The following DLG1 variants were observed in gnomAD, a reference collection of about 807,000 sequenced individuals.
The protein encoded by DLG1 is disks large homolog 1.
DLG1 carries 42 observed loss-of-function variants against 123.4 expected under a neutral mutation model. That is an observed-to-expected ratio of 0.34 (90% CI 0.27 to 0.44). The LOEUF (loss-of-function observed/expected upper bound fraction) is 0.44, where lower values mean the gene tolerates loss of function less well. Ranked by LOEUF, DLG1 falls within the 20% of genes least tolerant of loss-of-function variation. The probability of loss-of-function intolerance (pLI) is 1.00; values close to 1 mark genes in which losing one functional copy is unlikely to be tolerated. For missense variants in DLG1, 942 were observed against 1,082.6 expected (o/e 0.87, Z 1.82); for synonymous variants, 317 against 356.2 (o/e 0.89, Z 1.24).
At chr3:197,298,679 C>T (rs1305919301), upstream of DLG1, 4 of 156,716 alleles carry the variant, frequency 2.6e-5, no homozygotes, top group African/African-American at 7.6e-5. Flanking sequence ...GCGGGGAGGG[C>T]GGGGCCTGGG....
At chr3:197,091,611 T>C (rs192952956) in intron 14 of DLG1, among the ~76,000 whole-genome samples, 1 of 152,166 alleles carries the variant, frequency 6.6e-6, no homozygotes, top group Non-Finnish European at 1.5e-5. Flanking sequence ...GAAGTAATAT[T>C]TGTGAATATT....
chr3:197,056,355 T>C (rs79905847), intron 23 of DLG1, among the ~76,000 whole-genome samples: 1 of 152,226 alleles, frequency 6.6e-6, no homozygotes, highest in Non-Finnish European at 1.5e-5. Flanking sequence ...AAAAATTGTT[T>C]GATTCAATTT....
At chr3:197,238,366 TA>T (rs1747112759) in intron 4 of DLG1, among the ~76,000 whole-genome samples, 1 of 152,002 alleles carries the variant, frequency 6.6e-6, no homozygotes, top group South Asian at 2.1e-4. Flanking sequence ...AGGCGTCATA[TA>T]AAAAATTAAT....
intron 14 of DLG1, among the ~76,000 whole-genome samples, chr3:197,092,202 A>G (rs1758117895): frequency 1.3e-5 from 2 of 152,222 alleles, no homozygotes; most frequent in African/African-American, 2.4e-5. Flanking sequence ...TCATAAAAAT[A>G]TATCATGAGT....
chr3:197,226,983 T>C (rs1740300771), intron 4 of DLG1, among the ~76,000 whole-genome samples: 2 of 152,340 alleles, frequency 1.3e-5, no homozygotes, highest in South Asian at 2.1e-4. Context: ...TTACATCTTA[T>C]GCAGTACCTT....
At chr3:197,221,726 T>C (rs1737179149) in intron 4 of DLG1, among the ~76,000 whole-genome samples, 1 of 152,214 alleles carries the variant, frequency 6.6e-6, no homozygotes, top group Admixed American at 6.5e-5. Context: ...AAATACTGCC[T>C]GTATGCATTA....
intron 24 of DLG1, 80 bp from the exon 25 acceptor site, chr3:197,044,809 G>C (rs1721775870): frequency 1.2e-6 from 1 of 823,822 alleles, no homozygotes; most frequent in African/African-American, 1.8e-5. Context: ...AATAGTAGAA[G>C]CTAGTATCTT....
At position 197,069,261 on chromosome 3, in the gene DLG1, C is replaced by A; in HGVS notation, c.2006-1G>T. Reference sequence around the variant, plus strand: ...TCGCTGGCATTAGAAGTTACATGCTCTGAAATTGCAGGACAATGAAAAAAA... The same window carrying A: ...TCGCTGGCATTAGAAGTTACATGCTATGAAATTGCAGGACAATGAAAAAAA... On this transcript the variant is annotated splice_acceptor_variant, in intron 18 of 24. Transcript: ENST00000667157. LOFTEE classifies it high-confidence loss of function. 6.3e-7 allele frequency: 1 copy of A among 1,583,528 alleles called. No individual in the cohort carries two copies. The highest frequency in any genetic ancestry group is 1.8e-5 in the Admixed American group (1 of 56,590).
At chr3:197,192,297 A>G (rs908957854) in intron 5 of DLG1, among the ~76,000 whole-genome samples, 4 of 152,322 alleles carry the variant, frequency 2.6e-5, no homozygotes, top group African/African-American at 9.6e-5. Context: ...AAAAAATACA[A>G]TAAGAAAACA....
chr3:197,297,083 T>C (rs1777797269), intron 2 of DLG1, 103 bp downstream of exon 2: 2 of 1,235,578 alleles, frequency 1.6e-6, no homozygotes, highest in South Asian at 1.2e-5. Flanking sequence ...AGGACCGTGC[T>C]GTCTCATCAA....
intron 16 of DLG1, among the ~76,000 whole-genome samples, chr3:197,084,298 G>C (rs961071330): frequency 4.1e-5 from 6 of 146,814 alleles, no homozygotes; most frequent in Admixed American, 7.0e-5. Flanking sequence ...TTTCTGCTTG[G>C]AGGCATCACT....
intron 6 of DLG1, among the ~76,000 whole-genome samples, chr3:197,143,292 G>A (rs890606837): frequency 6.4e-5 from 6 of 94,362 alleles, no homozygotes; most frequent in African/African-American, 2.4e-4. Flanking sequence ...TCGCTCTGTT[G>A]CCCAGGCTGG....
chr3:197,081,381 T>C (rs1751036584), intron 16 of DLG1, among the ~76,000 whole-genome samples: 1 of 152,214 alleles, frequency 6.6e-6, no homozygotes, highest in South Asian at 2.1e-4. Flanking sequence ...GTTACAAAAT[T>C]ATATGAAAGT....
At chr3:197,284,310 C>G (rs560814638) in intron 3 of DLG1, among the ~76,000 whole-genome samples, 18 of 152,138 alleles carry the variant, frequency 1.2e-4, no homozygotes, top group Non-Finnish European at 2.4e-4. Context: ...CACATATGTG[C>G]TATGCATACA....
chr3:197,237,591 T>C (rs1175931592), intron 4 of DLG1, among the ~76,000 whole-genome samples: 2 of 152,228 alleles, frequency 1.3e-5, no homozygotes, highest in Non-Finnish European at 2.9e-5. Context: ...CATGAGGCTG[T>C]AACAAGGTGT....
intron 22 of DLG1, 23 bp from the exon 23 acceptor site, chr3:197,060,021 A>G: frequency 3.2e-6 from 5 of 1,564,414 alleles, no homozygotes; most frequent in Non-Finnish European, 4.4e-6. Flanking sequence ...GAACAAAGAA[A>G]AAAAACAAGT....
At chr3:197,212,050 TGAACACAAGA>T (rs1731509920) in intron 4 of DLG1, among the ~76,000 whole-genome samples, 1 of 146,054 alleles carries the variant, frequency 6.8e-6, no homozygotes, top group South Asian at 2.6e-4. Flanking sequence ...TGAGAACTGA[TGAACACAAGA>T]GAACAACAGA....
At chr3:197,245,682 T>C (rs1751277268) in intron 4 of DLG1, among the ~76,000 whole-genome samples, 1 of 152,292 alleles carries the variant, frequency 6.6e-6, no homozygotes, top group Admixed American at 6.5e-5. Flanking sequence ...ATTTACCTTC[T>C]GAGTTTTCTT....
At chr3:197,136,761 T>C in intron 9 of DLG1, 83 bp from the exon 10 acceptor site, 1 of 1,184,898 alleles carries the variant, frequency 8.4e-7, no homozygotes, top group Non-Finnish European at 1.2e-6. Flanking sequence ...ACAAGGTAAT[T>C]ATTCCCTCAC....
Sources: allele counts gnomAD v4.1 joint callset (sites outside exome capture counted in the v4.1 genomes callset), GRCh38; gene constraint gnomAD v4.1.1; transcripts MANE v1.5; gene names NCBI Gene and HGNC (gene_info 2026-07-23, HGNC 2026-07-21).